The following TOR3A variants were observed in gnomAD, a reference collection of about 807,000 sequenced individuals.
TOR3A encodes the protein torsin-3A.
Under a neutral mutation model 42.1 loss-of-function variants are expected in TOR3A, and 44 were observed. That is an observed-to-expected ratio of 1.04 (90% CI 0.82 to 1.34). The LOEUF (loss-of-function observed/expected upper bound fraction) is 1.34, where lower values mean the gene tolerates loss of function less well. TOR3A is among the 40% of genes most tolerant of loss of function. TOR3A has a pLI of 0.00. For missense variants in TOR3A, 521 were observed against 507.6 expected, an observed-to-expected ratio of 1.03 and a Z score of -0.25; for synonymous variants, 227 against 213.2, an observed-to-expected ratio of 1.06 and a Z score of -0.57.
At chr1:179,093,386 T>C (rs183292121) in intron 4 of TOR3A, among the ~76,000 whole-genome samples, 5 of 152,332 alleles carry the variant, frequency 3.3e-5, no homozygotes, top group Non-Finnish European at 5.9e-5. Context: ...ATCTCCACCT[T>C]TCCGTGTTCC....
chr1:179,087,090 C>T (rs1432972649), intron 3 of TOR3A, among the ~76,000 whole-genome samples: 1 of 152,274 alleles, frequency 6.6e-6, no homozygotes, highest in Non-Finnish European at 1.5e-5. Flanking sequence ...CATAGCCCTG[C>T]ACCTCACACT....
At position 179,085,785 on chromosome 1, in the gene TOR3A, A is replaced by G. The variant is rs761214138; in HGVS notation, c.531A>G (p.Ala177=). 2.5e-6 allele frequency: 4 copies of G among 1,614,072 alleles called. No homozygotes were observed. Among genetic ancestry groups the G allele is most frequent in the African/African-American group, 1.3e-5 (1 of 74,938 alleles). ...CTGGCACAGGCAAGAACTTCGTGGC[A>G]CGGATGCTGGTGGAGAACCTGTATC... The part of the protein sequence containing the change: ...GWSGTGKNFV[A]RMLVENLYRD... The change falls in exon 3 of 6, where the codon GCA becomes GCG. Residue 177 remains alanine, a synonymous_variant. Transcript: ENST00000367627.
intron 2 of TOR3A, among the ~76,000 whole-genome samples, chr1:179,084,141 G>A (rs1039753216): frequency 2.0e-5 from 3 of 152,162 alleles, no homozygotes; most frequent in Non-Finnish European, 2.9e-5. Flanking sequence ...TCTGGCCAGC[G>A]GATTGGAGAC....
At chr1:179,087,535 G>A (rs9661800) in intron 3 of TOR3A, among the ~76,000 whole-genome samples, 146,532 of 152,290 alleles carry the variant, frequency 0.96, 70,537 homozygotes, top group East Asian at 1. Context: ...GAAAGTTTGC[G>A]GGTGTGTGGA....
At chr1:179,091,561 T>G (rs1455788201) in intron 4 of TOR3A, 1 of 152,230 alleles carries the variant, frequency 6.6e-6, no homozygotes, top group African/African-American at 2.4e-5. Flanking sequence ...TCCCTTTATT[T>G]ACTAAAGGCT....
In TOR3A at chr1:179,095,172, A is replaced by G. The variant is rs768852864; in HGVS notation, c.1148A>G (p.Gln383Arg). ...AAGGAGGAACAACTCTTTTCTTCCCAGGGCTGCAAGTCTATTTCCCAGAGG... is the reference window on the plus strand; with the variant it reads ...AAGGAGGAACAACTCTTTTCTTCCCGGGGCTGCAAGTCTATTTCCCAGAGG... ...VPKEEQLFSS[Q>R]GCKSISQRIN... is the part of the protein sequence containing the mutation. Residue 383 changes from glutamine to arginine, a missense_variant, in exon 6 of 6, where the codon CAG (glutamine) becomes CGG (arginine). Gln to Arg is a conservative substitution (Grantham distance 43). Coordinates refer to ENST00000367627, the MANE Select transcript of TOR3A (RefSeq NM_022371.4). The G allele has an allele frequency of 2.5e-6, 4 of 1,614,036 alleles. No homozygotes were observed. The African/African-American group carries it at 4.0e-5, about 16-fold the overall frequency.
chr1:179,093,231 C>G (rs1457803061), intron 4 of TOR3A, among the ~76,000 whole-genome samples: 4 of 152,172 alleles, frequency 2.6e-5, no homozygotes, highest in Admixed American at 2.6e-4. Context: ...CATCTTCTCT[C>G]CTTATCCCCT....
At chr1:179,090,233 G>C (rs1426993390) in intron 4 of TOR3A, among the ~76,000 whole-genome samples, 1 of 152,258 alleles carries the variant, frequency 6.6e-6, no homozygotes, top group Non-Finnish European at 1.5e-5. Flanking sequence ...GTGGCCTTAG[G>C]TTCTAGTGGC....
intron 2 of TOR3A, 113 bp from the exon 3 acceptor site, chr1:179,085,515 A>G (rs1199983547): frequency 7.3e-7 from 1 of 1,364,782 alleles, no homozygotes; most frequent in Non-Finnish European, 1.0e-6. Flanking sequence ...CAGGAGGAGT[A>G]ACTGATTCCA....
Position 179,095,128 on chromosome 1 carries a change from G to A in TOR3A, c.1104G>A (p.Gln368=), listed in dbSNP as rs754294028. 1.2e-6 allele frequency: 2 copies of A among 1,614,182 alleles called. No individual in the cohort carries two copies. The highest frequency in any genetic ancestry group is 1.6e-4 in the Middle Eastern group (1 of 6,062). The change falls in exon 6 of 6, where the codon CAG becomes CAA. Residue 368 remains glutamine, a synonymous_variant. Coordinates refer to ENST00000367627, the MANE Select transcript of TOR3A (RefSeq NM_022371.4). ...AAGAGACACTGGATGAAATAGCCCA[G>A]ATGATGGTGTATGTCCCCAAGGAGG... ...YKEETLDEIA[Q]MMVYVPKEEQ...
At chr1:179,084,678 GCC>G (rs774443720) in intron 2 of TOR3A, among the ~76,000 whole-genome samples, 6 of 152,194 alleles carry the variant, frequency 3.9e-5, no homozygotes, top group Non-Finnish European at 8.8e-5. Context: ...AATGTGTGAT[GCC>G]CTCAATGTTT....
chr1:179,092,590 C>T (rs1438468869), intron 4 of TOR3A, among the ~76,000 whole-genome samples: 2 of 151,848 alleles, frequency 1.3e-5, no homozygotes, highest in African/African-American at 4.8e-5. Context: ...GGGCCGGGCA[C>T]ACCTGTCATC....
chr1:179,083,315 G>C (rs1652343362), intron 2 of TOR3A, among the ~76,000 whole-genome samples: 1 of 143,462 alleles, frequency 7.0e-6, no homozygotes, highest in African/African-American at 2.7e-5. Flanking sequence ...AACAGAAACA[G>C]CTACCTCTCA....
At chr1:179,084,413 G>T (rs1283272744) in intron 2 of TOR3A, among the ~76,000 whole-genome samples, 1 of 152,086 alleles carries the variant, frequency 6.6e-6, no homozygotes, top group African/African-American at 2.4e-5. Flanking sequence ...TTTTAGTAGA[G>T]AGGGGGTTCA....
At chr1:179,085,165 G>A (rs1198149857) in intron 2 of TOR3A, among the ~76,000 whole-genome samples, 9 of 152,158 alleles carry the variant, frequency 5.9e-5, no homozygotes, top group South Asian at 2.1e-4. Flanking sequence ...AATGGCTCAC[G>A]CCTGTAATCC....
At chr1:179,088,701 C>G (rs1046146402) in intron 4 of TOR3A, among the ~76,000 whole-genome samples, 1 of 152,216 alleles carries the variant, frequency 6.6e-6, no homozygotes, top group Non-Finnish European at 1.5e-5. Flanking sequence ...CGCTACCATG[C>G]GGGACCCAGT....
At chr1:179,087,003 C>G (rs1652454474) in intron 3 of TOR3A, among the ~76,000 whole-genome samples, 1 of 152,112 alleles carries the variant, frequency 6.6e-6, no homozygotes, top group Middle Eastern at 3.2e-3. Context: ...CTGGGCCTTT[C>G]CGGGCAGAAC....
chr1:179,086,249 C>T (rs1049357898), intron 3 of TOR3A, among the ~76,000 whole-genome samples: 3 of 152,232 alleles, frequency 2.0e-5, no homozygotes, highest in Admixed American at 6.5e-5. Context: ...CACGGACACA[C>T]CCTTGTCAGC....
intron 2 of TOR3A, among the ~76,000 whole-genome samples, chr1:179,084,972 G>T (rs1652389350): frequency 6.6e-6 from 1 of 152,222 alleles, no homozygotes; most frequent in African/African-American, 2.4e-5. Context: ...CCATAAAACA[G>T]GGAGCCCTGA....
Sources: allele counts gnomAD v4.1 joint callset (sites outside exome capture counted in the v4.1 genomes callset), GRCh38; gene constraint gnomAD v4.1.1; transcripts MANE v1.5; gene names NCBI Gene and HGNC (gene_info 2026-07-23, HGNC 2026-07-21).